ZNF69: variants seen among roughly 807,000 people sequenced by gnomAD.
ZNF69 encodes the protein ZNF3.
A neutral mutation model predicts 50.9 loss-of-function variants in ZNF69; 47 were observed. The ratio of observed to expected loss-of-function variants is 0.92; its 90% CI spans 0.73 to 1.18. The LOEUF is 1.18. ZNF69 is among the 50% of genes most tolerant of loss of function. The probability of loss-of-function intolerance (pLI) is 0.00; values close to 1 mark genes in which losing one functional copy is unlikely to be tolerated. For missense variants in ZNF69, 717 were observed against 675.1 expected (o/e 1.06, Z -0.69); for synonymous variants, 216 against 223.1 (o/e 0.97, Z 0.29).
chr19:11,925,216 C>G, the ZNF69 span: 3 of 1,612,838 alleles, frequency 1.9e-6, no homozygotes, highest in Non-Finnish European at 2.5e-6. Flanking sequence ...GCGCTATGCC[C>G]TGCTGTAGTC....
At chr19:11,978,198 C>T in the ZNF69 span, 1 of 1,613,738 alleles carries the variant, frequency 6.2e-7, no homozygotes, top group East Asian at 2.2e-5. Context: ...AGATGACAGG[C>T]TGAACTTCCA....
chr19:11,912,942 C>A (rs1280791870), intron 4 of ZNF69, among the ~76,000 whole-genome samples: 1 of 152,096 alleles, frequency 6.6e-6, no homozygotes, highest in East Asian at 1.9e-4. Context: ...TGGCTTATGC[C>A]CGTAATCCCA....
chr19:11,900,046 C>T (rs374114586), intron 1 of ZNF69, among the ~76,000 whole-genome samples: 3 of 151,996 alleles, frequency 2.0e-5, no homozygotes, highest in South Asian at 2.1e-4. Flanking sequence ...CTCTGCCTCC[C>T]GGGTTTAAGC....
At chr19:11,891,502 AAAGC>A (rs926371280) in intron 1 of ZNF69, among the ~76,000 whole-genome samples, 23 of 152,124 alleles carry the variant, frequency 1.5e-4, no homozygotes, top group African/African-American at 5.6e-4. Flanking sequence ...GCATCCTCAT[AAAGC>A]AAGTGGAGGA....
At chr19:11,919,828 C>T in the ZNF69 span, among the ~76,000 whole-genome samples, 10 of 152,062 alleles carry the variant, frequency 6.6e-5, no homozygotes, top group African/African-American at 9.7e-5. Flanking sequence ...GTTGGACTCC[C>T]GAAGCTCCAG....
chr19:11,919,127 C>A (rs993509839), downstream of ZNF69, among the ~76,000 whole-genome samples: 1 of 151,952 alleles, frequency 6.6e-6, no homozygotes, highest in African/African-American at 2.4e-5. Context: ...AATCTCCTGC[C>A]CTCGTGATCC....
chr19:11,978,994 G>C, the ZNF69 span: 2 of 1,614,034 alleles, frequency 1.2e-6, no homozygotes, highest in Non-Finnish European at 8.5e-7. Flanking sequence ...TCCCTTCGTA[G>C]ACATGAAAGG....
the ZNF69 span, among the ~76,000 whole-genome samples, chr19:11,939,659 C>T: frequency 6.6e-6 from 1 of 152,168 alleles, no homozygotes; most frequent in East Asian, 1.9e-4. Flanking sequence ...TGGAGTTCCA[C>T]CACGTTGGCC....
rs12463082 is a variant in ZNF69 at position 11,906,449 on chromosome 19, A to G, written c.*351A>G. 0.18 allele frequency among the ~76,000 whole-genome samples: 27,935 copies of G among 152,122 alleles called. 3,420 individuals carry two copies. Among genetic ancestry groups the G allele is most frequent in the Non-Finnish European group, 0.27 (18,288 of 67,958 alleles). On this transcript the variant is annotated 3_prime_UTR_variant, in exon 4 of 4. Coordinates refer to ENST00000429654, the MANE Select transcript of ZNF69 (RefSeq NM_001364730.1). ...CAGTAGGGGCCAACTGACACCTCAT[A>G]CGGCCGTGTGCCCCTCTGTGACGAA...
At chr19:11,932,178 C>T in the ZNF69 span, among the ~76,000 whole-genome samples, 52 of 147,126 alleles carry the variant, frequency 3.5e-4, 2 homozygotes, top group South Asian at 0.011. Context: ...CATGGCAAAC[C>T]TTGTCTATAC....
chr19:11,927,469 AG>A, the ZNF69 span, among the ~76,000 whole-genome samples: 1 of 147,748 alleles, frequency 6.8e-6, no homozygotes, highest in Non-Finnish European at 1.5e-5. Flanking sequence ...TAAATAGAAA[AG>A]GAAAAAGAAA....
chr19:11,914,928 G>T (rs1200212323), downstream of ZNF69, among the ~76,000 whole-genome samples: 1 of 152,176 alleles, frequency 6.6e-6, no homozygotes, highest in African/African-American at 2.4e-5. Flanking sequence ...ACCTGGCCAG[G>T]CACAGTGGCT....
chr19:11,930,462 G>C, the ZNF69 span, among the ~76,000 whole-genome samples: 1 of 148,484 alleles, frequency 6.7e-6, no homozygotes, highest in East Asian at 1.9e-4. Flanking sequence ...TTTGAGTAAA[G>C]TTTACTTCTG....
At chr19:11,925,214 C>G in the ZNF69 span, 29 of 1,612,420 alleles carry the variant, frequency 1.8e-5, no homozygotes, top group Non-Finnish European at 2.5e-5. Context: ...CTGCGCTATG[C>G]CCTGCTGTAG....
chr19:11,968,577 C>A, the ZNF69 span, among the ~76,000 whole-genome samples: 4 of 152,240 alleles, frequency 2.6e-5, no homozygotes, highest in East Asian at 7.7e-4. Flanking sequence ...TTTTTTCCCC[C>A]AGAGCTTGTT....
At chr19:11,957,494 A>G in the ZNF69 span, among the ~76,000 whole-genome samples, 1 of 152,114 alleles carries the variant, frequency 6.6e-6, no homozygotes, top group Non-Finnish European at 1.5e-5. Flanking sequence ...TAAAAATAAA[A>G]ATATTAAATA....
chr19:11,965,368 G>C, the ZNF69 span, among the ~76,000 whole-genome samples: 1 of 152,212 alleles, frequency 6.6e-6, no homozygotes, highest in African/African-American at 2.4e-5. Context: ...CTCGGCCGCT[G>C]GATGGGGCTG....
At chr19:11,956,757 G>T in the ZNF69 span, 1 of 381,130 alleles carries the variant, frequency 2.6e-6, no homozygotes. Flanking sequence ...TCGGGAGGCT[G>T]AGGCATGAGA....
At chr19:11,944,740 A>G in the ZNF69 span, among the ~76,000 whole-genome samples, 26,259 of 152,206 alleles carry the variant, frequency 0.17, 4,808 homozygotes, top group African/African-American at 0.47. Flanking sequence ...CTTGTATGCC[A>G]GCCGGGACGG....
Sources: allele counts gnomAD v4.1 joint callset (sites outside exome capture counted in the v4.1 genomes callset), GRCh38; gene constraint gnomAD v4.1.1; transcripts MANE v1.5; gene names NCBI Gene and HGNC (gene_info 2026-07-23, HGNC 2026-07-21).